The following LINGO2 variants were observed in gnomAD, a reference collection of about 807,000 sequenced individuals.
The protein encoded by LINGO2 is leucine-rich repeat and immunoglobulin-like domain-containing nogo receptor-interacting protein 2.
A neutral mutation model predicts 30.6 loss-of-function variants in LINGO2; 14 were observed. The ratio of observed to expected loss-of-function variants is 0.46; its 90% CI spans 0.30 to 0.72. LINGO2 has a LOEUF of 0.72. LINGO2 is among the 30% of genes least tolerant of loss of function. LINGO2 has a pLI of 0.07. For missense variants in LINGO2, 729 were observed against 751.7 expected (o/e 0.97, Z 0.35); for synonymous variants, 317 against 288.5 (o/e 1.10, Z -1.00).
chr9:29,034,341 CATAA>C, the LINGO2 span, among the ~76,000 whole-genome samples: 2 of 151,966 alleles, frequency 1.3e-5, no homozygotes, highest in Non-Finnish European at 1.5e-5. Flanking sequence ...TATTATATGG[CATAA>C]ATATTCAGGT....
At chr9:27,953,356 A>T (rs1819409615) in intron 5 of LINGO2, among the ~76,000 whole-genome samples, 1 of 152,208 alleles carries the variant, frequency 6.6e-6, no homozygotes, top group Admixed American at 6.5e-5. Context: ...ATAATAGAGC[A>T]AAATGGAAAT....
chr9:28,634,495 T>TTC (rs1827160394), intron 1 of LINGO2, among the ~76,000 whole-genome samples: 2 of 148,866 alleles, frequency 1.3e-5, no homozygotes, highest in African/African-American at 2.5e-5. Context: ...CTTTTTTTTT[T>TTC]TTTTTTTTGA....
At chr9:28,408,248 G>A (rs1242411320) in intron 2 of LINGO2, among the ~76,000 whole-genome samples, 4 of 152,044 alleles carry the variant, frequency 2.6e-5, no homozygotes, top group South Asian at 2.1e-4. Context: ...TATGAATATT[G>A]TAAATATTTT....
At chr9:29,022,250 A>T in the LINGO2 span, among the ~76,000 whole-genome samples, 1 of 152,208 alleles carries the variant, frequency 6.6e-6, no homozygotes, top group Admixed American at 6.5e-5. Context: ...GCAAGGCATG[A>T]GTTGGTTATA....
the LINGO2 span, among the ~76,000 whole-genome samples, chr9:29,002,789 T>C: frequency 6.6e-6 from 1 of 151,988 alleles, no homozygotes; most frequent in South Asian, 2.1e-4. Context: ...CCCCTCTTAC[T>C]TGTAATTATT....
At chr9:28,207,335 G>A (rs890461041) in intron 4 of LINGO2, among the ~76,000 whole-genome samples, 1 of 151,924 alleles carries the variant, frequency 6.6e-6, no homozygotes, top group African/African-American at 2.4e-5. Context: ...ATATCATTTA[G>A]GATTCTTAAA....
chr9:27,954,095 G>A (rs569611708), intron 5 of LINGO2, among the ~76,000 whole-genome samples: 34 of 152,156 alleles, frequency 2.2e-4, no homozygotes, highest in Middle Eastern at 3.4e-3. Flanking sequence ...ATATTTGTAC[G>A]TATTTATGTA....
chr9:28,467,275 C>G (rs757546483), intron 2 of LINGO2, among the ~76,000 whole-genome samples: 35 of 152,128 alleles, frequency 2.3e-4, no homozygotes, highest in Non-Finnish European at 2.9e-4. Context: ...AGTCTGCCCT[C>G]CTCGGCCTCC....
chr9:29,000,194 T>C, the LINGO2 span, among the ~76,000 whole-genome samples: 2 of 151,946 alleles, frequency 1.3e-5, no homozygotes, highest in South Asian at 4.1e-4. Context: ...CATGGCCCTA[T>C]GGACATAATA....
the LINGO2 span, among the ~76,000 whole-genome samples, chr9:29,063,830 A>G: frequency 6.6e-6 from 1 of 152,058 alleles, no homozygotes; most frequent in Non-Finnish European, 1.5e-5. Flanking sequence ...AAATATCTAT[A>G]CTAGTATACT....
intron 4 of LINGO2, among the ~76,000 whole-genome samples, chr9:28,248,432 A>G (rs1822079561): frequency 6.6e-6 from 1 of 152,158 alleles, no homozygotes; most frequent in African/African-American, 2.4e-5. Flanking sequence ...GGACATAGAG[A>G]AGAGAGAAAC....
At chr9:28,971,956 G>C in the LINGO2 span, among the ~76,000 whole-genome samples, 2 of 152,234 alleles carry the variant, frequency 1.3e-5, no homozygotes, top group Non-Finnish European at 2.9e-5. Flanking sequence ...CAGAGAGAGA[G>C]ACTGTTTGTT....
chr9:27,986,289 C>T (rs1205998411), intron 5 of LINGO2, among the ~76,000 whole-genome samples: 1 of 151,488 alleles, frequency 6.6e-6, no homozygotes, highest in Non-Finnish European at 1.5e-5. Flanking sequence ...ATCTTCAGGA[C>T]ATCTTTAAAC....
chr9:29,050,860 T>C, the LINGO2 span, among the ~76,000 whole-genome samples: 1 of 152,112 alleles, frequency 6.6e-6, no homozygotes, highest in Non-Finnish European at 1.5e-5. Flanking sequence ...TTGGAATCAG[T>C]GGTTCAAAGA....
intron 4 of LINGO2, among the ~76,000 whole-genome samples, chr9:28,029,371 C>T (rs1321215436): frequency 1.3e-5 from 2 of 152,122 alleles, no homozygotes; most frequent in African/African-American, 4.8e-5. Context: ...TATTGACAAA[C>T]ACTAAAGTGT....
At chr9:28,904,483 GAACT>G in the LINGO2 span, among the ~76,000 whole-genome samples, 1 of 151,756 alleles carries the variant, frequency 6.6e-6, no homozygotes, top group Non-Finnish European at 1.5e-5. Flanking sequence ...AAAACTGTTA[GAACT>G]AATAAAGAAA....
the LINGO2 span, among the ~76,000 whole-genome samples, chr9:28,892,229 T>C: frequency 1.3e-5 from 2 of 152,030 alleles, no homozygotes; most frequent in African/African-American, 4.8e-5. Flanking sequence ...CATAATGTAC[T>C]GAGCTCTAAG....
chr9:29,073,278 G>C, the LINGO2 span, among the ~76,000 whole-genome samples: 959 of 152,062 alleles, frequency 6.3e-3, 14 homozygotes, highest in African/African-American at 0.022. Flanking sequence ...ATAAAAATTA[G>C]ATTTGTAACT....
At position 27,999,977 on chromosome 9, in the gene LINGO2, A is replaced by G. The variant is rs966172899; in HGVS notation, c.-36+12378T>C. 5.3e-5 allele frequency among the ~76,000 whole-genome samples: 8 copies of G among 149,916 alleles called. No homozygotes were observed. The South Asian group carries it at 1.9e-3, about 35-fold the overall frequency. ...TTAGCTCCACTATACATGATGTCAA[A>G]TAATTGTTGTTACGGTACTTGAAAT... On this transcript the variant is annotated intron_variant, in intron 5 of 5. Coordinates refer to ENST00000379992, the Ensembl canonical transcript of LINGO2.
Sources: allele counts gnomAD v4.1 joint callset (sites outside exome capture counted in the v4.1 genomes callset), GRCh38; gene constraint gnomAD v4.1.1; transcripts MANE v1.5; gene names NCBI Gene and HGNC (gene_info 2026-07-23, HGNC 2026-07-21).